Variants in LTBP1 observed in about 807,000 individuals in gnomAD.
LTBP1 encodes latent-transforming growth factor beta-binding protein 1.
Under a neutral mutation model 207.6 loss-of-function variants are expected in LTBP1, and 129 were observed. The observed-to-expected ratio is 0.62, with a 90% CI of 0.54 to 0.72. The LOEUF (loss-of-function observed/expected upper bound fraction) is 0.72. Among genes scored for constraint, LTBP1 ranks in the 30% least tolerant of loss-of-function variants. LTBP1 has a pLI of 0.00. For synonymous variants in LTBP1, 963 were observed against 833.7 expected (o/e 1.16, Z -2.67); for missense variants, 2,281 against 2,217.2 (o/e 1.03, Z -0.58).
intron 3 of LTBP1, among the ~76,000 whole-genome samples, chr2:33,039,087 C>A (rs1005280519): frequency 3.9e-5 from 6 of 152,228 alleles, no homozygotes; most frequent in Non-Finnish European, 5.9e-5. Flanking sequence ...CTAGCTCTCA[C>A]AAACATGTAC....
intron 5 of LTBP1, among the ~76,000 whole-genome samples, chr2:33,180,845 G>A (rs2086551056): frequency 1.3e-5 from 2 of 152,120 alleles, no homozygotes; most frequent in South Asian, 4.1e-4. Flanking sequence ...CAGAATGGGG[G>A]GAGAAATAAT....
At chr2:33,127,163 A>G (rs2081480746) in intron 4 of LTBP1, among the ~76,000 whole-genome samples, 1 of 152,224 alleles carries the variant, frequency 6.6e-6, no homozygotes, top group Non-Finnish European at 1.5e-5. Flanking sequence ...TGGCAGCTCC[A>G]GTGACTCAGA....
At chr2:33,232,106 T>C (rs1012460944) in intron 9 of LTBP1, among the ~76,000 whole-genome samples, 1 of 151,322 alleles carries the variant, frequency 6.6e-6, no homozygotes, top group Non-Finnish European at 1.5e-5. Flanking sequence ...ACATGAGGGG[T>C]AAGGGGGGAT....
intron 10 of LTBP1, among the ~76,000 whole-genome samples, chr2:33,247,633 T>C (rs755362047): frequency 1.3e-5 from 2 of 152,200 alleles, no homozygotes; most frequent in Non-Finnish European, 2.9e-5. Context: ...ACAGAAAAAG[T>C]TTGCTGACGC....
intron 2 of LTBP1, among the ~76,000 whole-genome samples, chr2:32,997,268 T>C (rs1685436252): frequency 6.6e-6 from 1 of 151,824 alleles, no homozygotes; most frequent in African/African-American, 2.4e-5. Context: ...CTCACCGCTT[T>C]GGGAGGCTGA....
At chr2:32,974,795 G>C (rs147889199) in intron 2 of LTBP1, among the ~76,000 whole-genome samples, 1 of 152,286 alleles carries the variant, frequency 6.6e-6, no homozygotes, top group East Asian at 1.9e-4. Context: ...TAGGTATCTT[G>C]AAGACGGTAT....
chr2:33,140,857 C>G (rs75133304), intron 5 of LTBP1, among the ~76,000 whole-genome samples: 14 of 151,808 alleles, frequency 9.2e-5, no homozygotes, highest in African/African-American at 3.4e-4. Flanking sequence ...TCAGTAGAGA[C>G]GGGGTTTCAC....
In LTBP1 at chr2:33,368,325, A is replaced by G. The variant is rs140590155; in HGVS notation, c.4711+2822A>G. Among the ~76,000 whole-genome samples the G allele has an allele frequency of 2.6e-5, 4 of 152,354 alleles. No individual in the cohort carries two copies. The East Asian group carries it at 7.7e-4, about 29-fold the overall frequency. On this transcript the variant is annotated intron_variant, in intron 31 of 33. Transcript: ENST00000404816. ...TACCCGGCGATCCCACTAACTGGGT[A>G]CCTACCCAAAGGGAATGTCTTTATC...
At chr2:33,089,997 TG>T (rs2078986005) in intron 3 of LTBP1, among the ~76,000 whole-genome samples, 1 of 152,264 alleles carries the variant, frequency 6.6e-6, no homozygotes, top group Admixed American at 6.5e-5. Context: ...ATGAGTTTGC[TG>T]ATATTTATTG....
chr2:32,977,932 A>G (rs1682081460), intron 2 of LTBP1, among the ~76,000 whole-genome samples: 1 of 151,848 alleles, frequency 6.6e-6, no homozygotes, highest in African/African-American at 2.4e-5. Flanking sequence ...GAGATCTTTC[A>G]CTGCTTGGGT....
chr2:33,365,578 TTTCTC>T, intron 31 of LTBP1, 75 bp downstream of exon 31: 4 of 1,443,166 alleles, frequency 2.8e-6, no homozygotes, highest in Non-Finnish European at 3.8e-6. Flanking sequence ...TAGCCTGACA[TTTCTC>T]TTCTGTATCT....
chr2:33,341,942 G>T (rs1485029581), intron 24 of LTBP1, among the ~76,000 whole-genome samples: 1 of 151,864 alleles, frequency 6.6e-6, no homozygotes, highest in Non-Finnish European at 1.5e-5. Context: ...TTTCTTAATT[G>T]TTTCTCCAAA....
chr2:33,319,005 C>A (rs534405608), intron 24 of LTBP1, among the ~76,000 whole-genome samples: 1 of 152,190 alleles, frequency 6.6e-6, no homozygotes, highest in African/African-American at 2.4e-5. Context: ...GGGACTGAGA[C>A]GGAAGGATCG....
At chr2:33,146,886 A>G (rs1037459064) in intron 5 of LTBP1, among the ~76,000 whole-genome samples, 13 of 152,328 alleles carry the variant, frequency 8.5e-5, no homozygotes, top group African/African-American at 2.9e-4. Flanking sequence ...GGGGATTACA[A>G]TTTTATATGA....
chr2:33,299,294 T>C (rs146285113), intron 20 of LTBP1, among the ~76,000 whole-genome samples: 2 of 151,092 alleles, frequency 1.3e-5, no homozygotes, highest in East Asian at 3.9e-4. Context: ...TTGTCAATAA[T>C]ACTTGAGTGA....
chr2:33,315,628 C>T (rs1026939816), intron 24 of LTBP1, among the ~76,000 whole-genome samples: 9 of 152,140 alleles, frequency 5.9e-5, no homozygotes, highest in Non-Finnish European at 8.8e-5. Flanking sequence ...TCATGTAGAT[C>T]GTCTTGATCA....
chr2:33,180,304 T>C (rs2086488607), intron 5 of LTBP1, among the ~76,000 whole-genome samples: 1 of 152,328 alleles, frequency 6.6e-6, no homozygotes, highest in Non-Finnish European at 1.5e-5. Flanking sequence ...TTCTTGGTCA[T>C]GTGTAGGACT....
At chr2:32,962,617 T>C (rs572493187) in intron 2 of LTBP1, among the ~76,000 whole-genome samples, 33 of 152,370 alleles carry the variant, frequency 2.2e-4, no homozygotes, top group Admixed American at 1.3e-3. Context: ...ATGGTTCTTT[T>C]TGTTTTACGA....
At chr2:33,012,685 A>G (rs1200300164) in intron 2 of LTBP1, among the ~76,000 whole-genome samples, 1 of 152,242 alleles carries the variant, frequency 6.6e-6, no homozygotes, top group Non-Finnish European at 1.5e-5. Context: ...AGGGGGCTCA[A>G]TTGGATGAAT....
Sources: gnomAD v4.1 joint callset for allele counts (sites outside exome capture counted in the v4.1 genomes callset) on GRCh38, gnomAD v4.1.1 for gene constraint, MANE v1.5 for transcripts, NCBI Gene and HGNC (gene_info 2026-07-23, HGNC 2026-07-21) for gene names.